The following HDAC9 variants were observed in gnomAD, a reference collection of about 807,000 sequenced individuals.
HDAC9 encodes histone deacetylase 9.
In HDAC9, 41 loss-of-function variants were observed where a neutral mutation model predicts 139.4. That is an observed-to-expected ratio of 0.29 (90% confidence interval 0.23 to 0.38). The LOEUF (loss-of-function observed/expected upper bound fraction) is 0.38, where lower values mean the gene tolerates loss of function less well. Ranked by LOEUF, HDAC9 falls within the 10% of genes least tolerant of loss-of-function variation. The probability of loss-of-function intolerance (pLI) is 1.00; values close to 1 mark genes in which losing one functional copy is unlikely to be tolerated. For missense variants in HDAC9, 1,147 were observed against 1,297.0 expected (o/e 0.88, Z 1.78); for synonymous variants, 517 against 476.2 (o/e 1.09, Z -1.12).
At chr7:18,553,752 C>G (rs1305431208) in intron 2 of HDAC9, among the ~76,000 whole-genome samples, 1 of 152,138 alleles carries the variant, frequency 6.6e-6, no homozygotes, top group East Asian at 1.9e-4. Flanking sequence ...AGATAGGTGG[C>G]TGCCACTGAT....
At chr7:18,499,672 A>G (rs1160465918) in intron 2 of HDAC9, among the ~76,000 whole-genome samples, 1 of 152,194 alleles carries the variant, frequency 6.6e-6, no homozygotes, top group Non-Finnish European at 1.5e-5. Context: ...CAATATTGGA[A>G]CAATTATTAT....
chr7:18,205,867 G>A (rs2128163447), intron 2 of HDAC9, among the ~76,000 whole-genome samples: 1 of 152,072 alleles, frequency 6.6e-6, no homozygotes, highest in South Asian at 2.1e-4. Context: ...TATATTTTGG[G>A]TTTACCATTC....
At chr7:18,402,474 A>G (rs539210350) in intron 1 of HDAC9, among the ~76,000 whole-genome samples, 2 of 152,328 alleles carry the variant, frequency 1.3e-5, no homozygotes, top group Admixed American at 6.5e-5. Flanking sequence ...ACTTCTCACT[A>G]TCAATGTAGT....
At position 18,586,392 on chromosome 7, in the gene HDAC9, T is replaced by C. The variant is rs373719500; in HGVS notation, c.264+870T>C. 3.3e-5 allele frequency among the ~76,000 whole-genome samples: 5 copies of C among 152,150 alleles called. No individual in the cohort carries two copies. In the East Asian group the frequency reaches 7.7e-4, roughly 23 times the overall value. Reference sequence around the variant, plus strand: ...AAGCAGCAAAGATTTACAACAAAAATTTTATTTTTATATCTAACTTTCAAA... The same window carrying C: ...AAGCAGCAAAGATTTACAACAAAAACTTTATTTTTATATCTAACTTTCAAA... On this transcript the variant is annotated intron_variant, in intron 3 of 25. Coordinates refer to ENST00000686413, the MANE Select transcript of HDAC9 (RefSeq NM_178425.4).
intron 1 of HDAC9, among the ~76,000 whole-genome samples, chr7:18,159,842 A>C (rs2128125987): frequency 6.6e-6 from 1 of 152,320 alleles, no homozygotes; most frequent in Non-Finnish European, 1.5e-5. Flanking sequence ...CCAATGTGTC[A>C]TGTGGAGGCA....
chr7:18,597,113 A>G (rs1003414047), intron 6 of HDAC9, among the ~76,000 whole-genome samples: 1 of 152,136 alleles, frequency 6.6e-6, no homozygotes, highest in Non-Finnish European at 1.5e-5. Context: ...TAGGAGAATG[A>G]TAGTTGCTCC....
At chr7:18,819,731 T>C (rs1395072760) in intron 17 of HDAC9, among the ~76,000 whole-genome samples, 2 of 152,220 alleles carry the variant, frequency 1.3e-5, no homozygotes, top group African/African-American at 4.8e-5. Flanking sequence ...ATTGTCACTT[T>C]TGGTGACATT....
chr7:18,103,346 T>A (rs887642155), intron 1 of HDAC9, among the ~76,000 whole-genome samples: 1 of 152,224 alleles, frequency 6.6e-6, no homozygotes, highest in African/African-American at 2.4e-5. Context: ...TATTTTATTT[T>A]ATTTTATATT....
intron 2 of HDAC9, among the ~76,000 whole-genome samples, chr7:18,505,034 G>T (rs1001872178): frequency 4.6e-5 from 7 of 152,202 alleles, no homozygotes; most frequent in African/African-American, 1.7e-4. Context: ...TTTGCTGGAA[G>T]ATCCTTACTT....
chr7:18,477,893 G>A (rs1408883439), intron 1 of HDAC9, among the ~76,000 whole-genome samples: 9 of 151,794 alleles, frequency 5.9e-5, no homozygotes, highest in African/African-American at 1.9e-4. Flanking sequence ...AATTCTAATA[G>A]TTTTCATTTT....
At chr7:18,621,772 T>C (rs1054324708) in intron 6 of HDAC9, among the ~76,000 whole-genome samples, 2 of 152,216 alleles carry the variant, frequency 1.3e-5, no homozygotes, top group Non-Finnish European at 2.9e-5. Context: ...CATTGTATTA[T>C]TTATTGTAGT....
intron 25 of HDAC9, among the ~76,000 whole-genome samples, chr7:18,989,279 C>T (rs994332615): frequency 1.3e-5 from 2 of 150,666 alleles, no homozygotes; most frequent in East Asian, 3.9e-4. Flanking sequence ...AATCTCTCAG[C>T]ATTTGCTTGT....
intron 6 of HDAC9, among the ~76,000 whole-genome samples, chr7:18,618,045 G>A (rs982060080): frequency 6.6e-6 from 1 of 152,136 alleles, no homozygotes; most frequent in South Asian, 2.1e-4. Context: ...GGAATGAAAT[G>A]ACTTGCTAGA....
At chr7:18,803,244 A>G (rs79524340) in intron 17 of HDAC9, among the ~76,000 whole-genome samples, 3 of 151,944 alleles carry the variant, frequency 2.0e-5, no homozygotes, top group African/African-American at 4.8e-5. Context: ...CAAGAACTTT[A>G]TGTTTTCTTT....
chr7:18,409,240 A>C (rs528760356), intron 1 of HDAC9, among the ~76,000 whole-genome samples: 2 of 152,342 alleles, frequency 1.3e-5, no homozygotes, highest in South Asian at 4.1e-4. Context: ...CCCTGGCGAT[A>C]CATGACTATT....
At chr7:18,488,718 A>C in intron 1 of HDAC9, among the ~76,000 whole-genome samples, 1 of 151,968 alleles carries the variant, frequency 6.6e-6, no homozygotes, top group East Asian at 1.9e-4. Flanking sequence ...TTACAAACAC[A>C]TTTTTATATT....
intron 6 of HDAC9, among the ~76,000 whole-genome samples, chr7:18,598,139 C>G (rs945295164): frequency 1.3e-5 from 2 of 152,152 alleles, no homozygotes; most frequent in South Asian, 4.1e-4. Flanking sequence ...CTTCCTCTCT[C>G]TCTCCCTCTT....
chr7:18,977,506 T>A (rs1252796520), intron 25 of HDAC9, among the ~76,000 whole-genome samples: 3 of 152,188 alleles, frequency 2.0e-5, no homozygotes, highest in Non-Finnish European at 4.4e-5. Flanking sequence ...TCAAGTAATA[T>A]AAAAATCTCA....
chr7:18,959,923 C>G (rs138880824), intron 24 of HDAC9, among the ~76,000 whole-genome samples: 157 of 151,964 alleles, frequency 1.0e-3, no homozygotes, highest in African/African-American at 3.7e-3. Flanking sequence ...ATGTTCTTGT[C>G]AAATGTGTTT....
Sources: gnomAD v4.1 joint callset for allele counts (sites outside exome capture counted in the v4.1 genomes callset) on GRCh38, gnomAD v4.1.1 for gene constraint, MANE v1.5 for transcripts, NCBI Gene and HGNC (gene_info 2026-07-23, HGNC 2026-07-21) for gene names.